Variants in FMNL2 observed in about 807,000 individuals in gnomAD.
The protein encoded by FMNL2 is formin like 2, also known as formin-like protein 2.
Under a neutral mutation model 130.2 loss-of-function variants are expected in FMNL2, and 51 were observed. The observed-to-expected ratio is 0.39, with a 90% CI of 0.31 to 0.49. FMNL2 has a LOEUF of 0.49. Among genes scored for constraint, FMNL2 ranks in the 20% least tolerant of loss-of-function variants. The pLI, the probability that FMNL2 is intolerant of heterozygous loss-of-function variation, is 0.85. For synonymous variants in FMNL2, 465 were observed against 467.1 expected, an observed-to-expected ratio of 1.00 and a Z score of 0.06; for missense variants, 977 against 1,316.2, an observed-to-expected ratio of 0.74 and a Z score of 3.99.
intron 25 of FMNL2, 32 bp downstream of exon 25, chr2:152,640,946 A>G: frequency 6.2e-7 from 1 of 1,611,976 alleles, no homozygotes; most frequent in Admixed American, 1.7e-5. Context: ...TGGCCCATGG[A>G]GATCCCACTG....
At chr2:152,378,422 A>G (rs1363135549) in intron 1 of FMNL2, among the ~76,000 whole-genome samples, 1 of 152,162 alleles carries the variant, frequency 6.6e-6, no homozygotes, top group Non-Finnish European at 1.5e-5. Context: ...TTTAGATCCC[A>G]ATGTAGACTT....
intron 1 of FMNL2, among the ~76,000 whole-genome samples, chr2:152,441,834 C>CAA (rs35741575): frequency 0.051 from 7,492 of 146,606 alleles, 623 homozygotes; most frequent in African/African-American, 0.17. Context: ...CACTCCGTCT[C>CAA]AAAAAAAAAA....
chr2:152,623,001 A>G (rs1462889826), intron 15 of FMNL2, among the ~76,000 whole-genome samples: 1 of 151,986 alleles, frequency 6.6e-6, no homozygotes, highest in Non-Finnish European at 1.5e-5. Context: ...TCCAGTGGTC[A>G]CCTATGTGCT....
chr2:152,419,213 G>A (rs1686777117), intron 1 of FMNL2, among the ~76,000 whole-genome samples: 2 of 152,114 alleles, frequency 1.3e-5, no homozygotes, highest in Admixed American at 6.5e-5. Flanking sequence ...GGGGTACAAA[G>A]TGATGTAATG....
chr2:152,607,557 A>G, intron 10 of FMNL2, 144 bp downstream of exon 10: 1 of 619,956 alleles, frequency 1.6e-6, no homozygotes, highest in South Asian at 2.1e-5. Flanking sequence ...CTATAGATCC[A>G]ATCTAGAATG....
At position 152,626,575 on chromosome 2, in the gene FMNL2, A is replaced by G; in HGVS notation, c.2013A>G (p.Gly671=). The G allele has an allele frequency of 1.2e-6, 2 of 1,612,170 alleles. No homozygotes were observed. Among genetic ancestry groups the G allele is most frequent in the Non-Finnish European group, 1.7e-6 (2 of 1,179,086 alleles). The stretch of plus-strand genomic sequence containing the variant: ...AAATATTCAAGACAAAAGCCCAAGG[A>G]CCTGCCATTGATCTTTCTTCAAGCA... ...FEEIFKTKAQ[G]PAIDLSSSKQ... is the part of the protein sequence containing the mutation. Residue 671 remains glycine, a synonymous_variant, in exon 17 of 26, where the codon GGA becomes GGG. Coordinates refer to ENST00000288670, the MANE Select transcript of FMNL2 (RefSeq NM_052905.4).
chr2:152,440,542 A>C (rs2106127631), intron 1 of FMNL2, among the ~76,000 whole-genome samples: 1 of 152,320 alleles, frequency 6.6e-6, no homozygotes, highest in East Asian at 1.9e-4. Flanking sequence ...TTTTCTTGGA[A>C]TGTTAAGATT....
intron 25 of FMNL2, among the ~76,000 whole-genome samples, chr2:152,641,973 T>C (rs1305455832): frequency 5.3e-5 from 8 of 152,074 alleles, no homozygotes; most frequent in Admixed American, 1.3e-4. Context: ...TGGAGTCTCA[T>C]TCTGTTGCCC....
chr2:152,373,433 T>A (rs554928875), intron 1 of FMNL2, among the ~76,000 whole-genome samples: 2 of 152,244 alleles, frequency 1.3e-5, no homozygotes, highest in South Asian at 4.2e-4. Flanking sequence ...AATGAGATTT[T>A]GAAGGAAATC....
At chr2:152,483,880 G>A (rs574838443) in intron 1 of FMNL2, among the ~76,000 whole-genome samples, 13 of 152,160 alleles carry the variant, frequency 8.5e-5, no homozygotes, top group Non-Finnish European at 1.8e-4. Flanking sequence ...ATGGAGAGGG[G>A]GAAAAAAACC....
intron 8 of FMNL2, among the ~76,000 whole-genome samples, chr2:152,579,393 G>A (rs7608137): frequency 0.81 from 122,571 of 152,230 alleles, 49,623 homozygotes; most frequent in East Asian, 0.94. Context: ...ATTACTGAAC[G>A]AAAATAGAAA....
intron 6 of FMNL2, among the ~76,000 whole-genome samples, chr2:152,567,669 A>G (rs1695930785): frequency 6.6e-6 from 1 of 152,232 alleles, no homozygotes; most frequent in Non-Finnish European, 1.5e-5. Context: ...TTAAAGTTCT[A>G]TTAGCCCAGA....
At chr2:152,474,068 C>T (rs571835605) in intron 1 of FMNL2, among the ~76,000 whole-genome samples, 7 of 149,594 alleles carry the variant, frequency 4.7e-5, no homozygotes, top group East Asian at 1.9e-4. Context: ...GTAGAGATAG[C>T]GTTTTGCTAT....
chr2:152,591,027 G>A (rs1382841619), intron 9 of FMNL2, among the ~76,000 whole-genome samples: 2 of 52,686 alleles, frequency 3.8e-5, no homozygotes, highest in African/African-American at 6.2e-5. Context: ...TTTTTTTTGA[G>A]ACAGCATCTC....
intron 12 of FMNL2, among the ~76,000 whole-genome samples, chr2:152,616,799 T>C (rs1698977598): frequency 1.3e-5 from 2 of 152,164 alleles, no homozygotes; most frequent in African/African-American, 4.8e-5. Context: ...TCTCCTTACT[T>C]TCCTCTACCC....
At chr2:152,337,747 G>A (rs1018297754) in intron 1 of FMNL2, among the ~76,000 whole-genome samples, 2 of 152,100 alleles carry the variant, frequency 1.3e-5, no homozygotes, top group Admixed American at 1.3e-4. Flanking sequence ...GCAGTTACTG[G>A]GTGCAATTCC....
chr2:152,457,690 T>C (rs10193625), intron 1 of FMNL2, among the ~76,000 whole-genome samples: 52,640 of 152,114 alleles, frequency 0.35, 9,821 homozygotes, highest in East Asian at 0.58. Context: ...TTTAATGGCA[T>C]GAAATAACAC....
chr2:152,433,134 A>G (rs1025374184), intron 1 of FMNL2, among the ~76,000 whole-genome samples: 3 of 152,156 alleles, frequency 2.0e-5, no homozygotes, highest in Non-Finnish European at 4.4e-5. Flanking sequence ...ATTTTATATC[A>G]CAAGAGCACA....
At position 152,368,191 on chromosome 2, in the gene FMNL2, A is replaced by G. The variant is rs79294595; in HGVS notation, c.117+32471A>G. Among the ~76,000 whole-genome samples, 137 of 152,316 alleles carry G rather than the reference A, an allele frequency of 9.0e-4. 2 individuals are homozygous for G. The East Asian group carries it at 0.025, about 28-fold the overall frequency. On this transcript the variant is annotated intron_variant, in intron 1 of 25. Transcript: ENST00000288670. ...AGTATACATTTTCATGGAATTAAAG[A>G]TAATGATTTAGGTGCCTCTAAGCTG... is the stretch of plus-strand genomic sequence containing the variant.
Sources: allele counts gnomAD v4.1 joint callset (sites outside exome capture counted in the v4.1 genomes callset), GRCh38; gene constraint gnomAD v4.1.1; transcripts MANE v1.5; gene names NCBI Gene and HGNC (gene_info 2026-07-23, HGNC 2026-07-21).